GOLGB1: variants seen among roughly 807,000 people sequenced by gnomAD.
GOLGB1 encodes golgin B1, also known as golgin subfamily B member 1.
Under a neutral mutation model 336.9 loss-of-function variants are expected in GOLGB1, and 174 were observed. That is an observed-to-expected ratio of 0.52 (90% confidence interval 0.46 to 0.59). The LOEUF is 0.59. Ranked by LOEUF, GOLGB1 falls within the 20% of genes least tolerant of loss-of-function variation. The pLI is 0.00. For synonymous variants in GOLGB1, 1,208 were observed against 1,289.2 expected (o/e 0.94, Z 1.35); for missense variants, 3,331 against 3,645.3 (o/e 0.91, Z 2.22).
rs1490059194 is a variant in GOLGB1, at chr3:121,694,066, A to C, written c.6457T>G (p.Leu2153Val). 6.2e-7 allele frequency: 1 copy of C among 1,613,944 alleles called. No homozygotes were observed. The highest frequency in any genetic ancestry group is 1.1e-5 in the South Asian group (1 of 91,072). Residue 2153 changes from leucine (L) to valine (V), a missense_variant, in exon 13 of 22, where the codon TTG (leucine) becomes GTG (valine). Coordinates refer to ENST00000614479, the MANE Select transcript of GOLGB1 (RefSeq NM_001366282.2). Reference protein sequence around the residue: ...KKNMQEKLDALRREKVHLEET... With the variant: ...KKNMQEKLDAVRREKVHLEET... ...TCCAAGTGGACTTTTTCTCTGCGCAAAGCATCCAGTTTCTCTTGCATATTC... is the reference window on the plus strand; with the variant it reads ...TCCAAGTGGACTTTTTCTCTGCGCACAGCATCCAGTTTCTCTTGCATATTC...
chr3:121,731,846 TAAAAATAG>T (rs1011279255), intron 1 of GOLGB1, among the ~76,000 whole-genome samples: 26 of 151,724 alleles, frequency 1.7e-4, no homozygotes, highest in Non-Finnish European at 1.5e-4. Context: ...TAGAAATTAA[TAAAAATAG>T]AAAAATAGAG....
At chr3:121,747,037 T>A (rs1215300310) in intron 1 of GOLGB1, among the ~76,000 whole-genome samples, 6 of 150,572 alleles carry the variant, frequency 4.0e-5, no homozygotes, top group Middle Eastern at 3.5e-3. Flanking sequence ...TACTTTTTTT[T>A]AAAGCAGTAA....
chr3:121,676,013 G>A (rs1228327670), intron 17 of GOLGB1, among the ~76,000 whole-genome samples: 1 of 152,192 alleles, frequency 6.6e-6, no homozygotes, highest in East Asian at 1.9e-4. Flanking sequence ...AGCTGCTCTG[G>A]AGTCCCTTTG....
chr3:121,695,233 A>T lies in GOLGB1; in HGVS notation c.5290T>A (p.Leu1764Ile). ...ACATTACCTTCTATCTGATGCTTTA[A>T]ATCTTGAACCTCTTCACTTAGAGAG... ...KDSLSEEVQDLKHQIEGNVSK... is the reference protein window; with the variant it reads ...KDSLSEEVQDIKHQIEGNVSK... The change falls in exon 13 of 22, where the codon TTA becomes ATA. Residue 1764 changes from leucine to isoleucine, a missense_variant. Transcript: ENST00000614479. 6.2e-7 allele frequency: 1 copy of T among 1,613,528 alleles called. No individual in the cohort carries two copies. The highest frequency in any genetic ancestry group is 8.5e-7 in the Non-Finnish European group (1 of 1,179,872).
Position 121,691,270 on chromosome 3 carries a change from T to C in GOLGB1, c.8094A>G (p.Ile2698Met). The change falls in exon 14 of 22, where the codon ATA becomes ATG. Residue 2698 changes from isoleucine to methionine, a missense_variant. Ile to Met is a conservative substitution (Grantham distance 10, BLOSUM62 1). Transcript: ENST00000614479. ...CTGCTGTTTCAGTTTCATTTCTCAT[T>C]ATCCCTGCATCATGATGAAGATGCT... Reference protein sequence around the residue: ...ELKHLHHDAGIMRNETETAEE... With the variant: ...ELKHLHHDAGMMRNETETAEE... 6.2e-7 allele frequency: 1 copy of C among 1,613,692 alleles called. No homozygotes were observed. The highest frequency in any genetic ancestry group is 8.5e-7 in the Non-Finnish European group (1 of 1,179,734).
At position 121,691,475 on chromosome 3, in the gene GOLGB1, CCTT is replaced by C. The variant is rs1942411340; in HGVS notation, c.7886_7888del (p.Glu2629del). On this transcript the variant is annotated inframe_deletion, in exon 14 of 22. Coordinates refer to ENST00000614479, the MANE Select transcript of GOLGB1 (RefSeq NM_001366282.2). ...CTGGGCATGATAGAGTCCTAAAGTA[CCTT>C]CTTCTTGCAAGGCTGTTACTTGTCT... 3.7e-6 allele frequency: 6 copies of C among 1,613,456 alleles called. No homozygotes were observed. Among genetic ancestry groups the C allele is most frequent in the Non-Finnish European group, 5.1e-6 (6 of 1,179,872 alleles).
At chr3:121,748,191 G>A (rs953247959) in intron 1 of GOLGB1, among the ~76,000 whole-genome samples, 2 of 152,164 alleles carry the variant, frequency 1.3e-5, no homozygotes, top group East Asian at 1.9e-4. Context: ...AAACAAGGAA[G>A]TATCTTTACG....
intron 10 of GOLGB1, among the ~76,000 whole-genome samples, chr3:121,709,512 A>G (rs1293293271): frequency 6.6e-6 from 1 of 152,216 alleles, no homozygotes; most frequent in Admixed American, 6.5e-5. Flanking sequence ...AATCAATAAG[A>G]TATCTAGAAA....
At chr3:121,682,730 A>C (rs1941222222) in intron 14 of GOLGB1, among the ~76,000 whole-genome samples, 2 of 152,340 alleles carry the variant, frequency 1.3e-5, no homozygotes, top group South Asian at 4.1e-4. Context: ...ACATCGCTAA[A>C]GCTAAAATAA....
intron 1 of GOLGB1, among the ~76,000 whole-genome samples, chr3:121,745,919 C>T (rs894853662): frequency 1.3e-5 from 2 of 152,108 alleles, no homozygotes; most frequent in African/African-American, 4.8e-5. Context: ...TTATAACAAC[C>T]ACCTGGTGTT....
intron 15 of GOLGB1, among the ~76,000 whole-genome samples, chr3:121,681,237 C>G (rs912632464): frequency 3.9e-5 from 6 of 152,088 alleles, no homozygotes; most frequent in African/African-American, 1.4e-4. Flanking sequence ...TTATATACTG[C>G]AAGATTCCAG....
intron 17 of GOLGB1, among the ~76,000 whole-genome samples, chr3:121,670,272 T>A (rs1576259067): frequency 6.6e-6 from 1 of 152,170 alleles, no homozygotes; most frequent in South Asian, 2.1e-4. Flanking sequence ...TCTAGGACCA[T>A]GTACATTATA....
chr3:121,695,734 A>T lies in GOLGB1; in HGVS notation c.4789T>A (p.Ser1597Thr). 1 of 1,611,436 alleles carries T rather than the reference A, an allele frequency of 6.2e-7. No individual in the cohort carries two copies. The highest frequency in any genetic ancestry group is 8.5e-7 in the Non-Finnish European group (1 of 1,179,892). The change falls in exon 13 of 22, where the codon TCT becomes ACT. Residue 1597 changes from serine to threonine, a missense_variant. Ser to Thr is a moderately conservative substitution (Grantham distance 58). Coordinates refer to ENST00000614479, the MANE Select transcript of GOLGB1 (RefSeq NM_001366282.2). The part of the protein sequence containing the change: ...DKEKLVKEIE[S>T]LKSSKIAEST... ...TCTGCAATCTTAGAAGATTTCAAAG[A>T]TTCAATTTCCTTCACTAACTTTTCC...
At chr3:121,734,418 A>C (rs1375066685) in intron 1 of GOLGB1, among the ~76,000 whole-genome samples, 1 of 150,614 alleles carries the variant, frequency 6.6e-6, no homozygotes, top group African/African-American at 2.4e-5. Flanking sequence ...AAAACAAGTC[A>C]TAGATTAGGA....
In GOLGB1 at chr3:121,691,768, G is replaced by C. The variant is rs1162215884; in HGVS notation, c.7596C>G (p.Ala2532=). The change falls in exon 14 of 22, where the codon GCC becomes GCG. Residue 2532 remains alanine (A), a synonymous_variant. Transcript: ENST00000614479. ...SHMDDLNSEN[A]KLDAELIQYR... is the part of the protein sequence containing the mutation. ...ATTGGATCAGTTCTGCATCTAGCTT[G>C]GCATTCTCAGAATTGAGATCATCCA... The C allele has an allele frequency of 6.2e-7, 1 of 1,613,290 alleles. No individual in the cohort carries two copies. Among genetic ancestry groups the C allele is most frequent in the Non-Finnish European group, 8.5e-7 (1 of 1,179,356 alleles).
chr3:121,741,795 C>A (rs900595021), intron 1 of GOLGB1, among the ~76,000 whole-genome samples: 1 of 152,090 alleles, frequency 6.6e-6, no homozygotes, highest in African/African-American at 2.4e-5. Context: ...AACTGAGAAG[C>A]AATGAATATC....
chr3:121,722,218 A>G (rs746572783), intron 6 of GOLGB1, 44 bp downstream of exon 6: 7 of 1,077,320 alleles, frequency 6.5e-6, no homozygotes, highest in Non-Finnish European at 1.0e-5. Context: ...GTAATAACCC[A>G]CTGGACTTCA....
intron 14 of GOLGB1, among the ~76,000 whole-genome samples, chr3:121,683,646 AG>A (rs1941359404): frequency 6.6e-6 from 1 of 152,204 alleles, no homozygotes; most frequent in Admixed American, 6.5e-5. Context: ...ACATTAAGGA[AG>A]GGAAGAAAAC....
intron 12 of GOLGB1, 46 bp from the exon 13 acceptor site, chr3:121,698,975 A>G (rs1943178156): frequency 7.2e-7 from 1 of 1,391,950 alleles, no homozygotes; most frequent in East Asian, 2.3e-5. Flanking sequence ...ATGTTTTATA[A>G]CATTAAAAAA....
Sources: allele counts gnomAD v4.1 joint callset (sites outside exome capture counted in the v4.1 genomes callset), GRCh38; gene constraint gnomAD v4.1.1; transcripts MANE v1.5; gene names NCBI Gene and HGNC (gene_info 2026-07-23, HGNC 2026-07-21).